FBXL7: variants seen among roughly 807,000 people sequenced by gnomAD.
FBXL7 encodes F-box and leucine rich repeat protein 7.
FBXL7 carries 12 observed loss-of-function variants against 38.3 expected under a neutral mutation model. That is an observed-to-expected ratio of 0.31 (90% CI 0.20 to 0.51). FBXL7 has a LOEUF of 0.51. Among genes scored for constraint, FBXL7 ranks in the 20% least tolerant of loss-of-function variants. The pLI, the probability that FBXL7 is intolerant of heterozygous loss-of-function variation, is 0.98. For synonymous variants in FBXL7, 297 were observed against 300.9 expected (o/e 0.99, Z 0.13); for missense variants, 567 against 676.4 (o/e 0.84, Z 1.79).
At chr5:15,786,834 A>G (rs1028515650) in intron 2 of FBXL7, among the ~76,000 whole-genome samples, 1 of 152,214 alleles carries the variant, frequency 6.6e-6, no homozygotes, top group African/African-American at 2.4e-5. Context: ...TAGTCTCATC[A>G]CCAGAATCCA....
At chr5:15,807,103 C>T (rs540418519) in intron 2 of FBXL7, among the ~76,000 whole-genome samples, 65 of 152,192 alleles carry the variant, frequency 4.3e-4, no homozygotes, top group Non-Finnish European at 8.1e-4. Context: ...AGAAGCACAC[C>T]ACCACGCCTG....
chr5:15,799,778 C>G (rs146594629), intron 2 of FBXL7, among the ~76,000 whole-genome samples: 10 of 152,300 alleles, frequency 6.6e-5, no homozygotes, highest in African/African-American at 2.2e-4. Context: ...GCAGCAAGTC[C>G]TCAGAAAGTC....
At chr5:15,502,705 C>T (rs1736530189) in intron 1 of FBXL7, among the ~76,000 whole-genome samples, 1 of 152,182 alleles carries the variant, frequency 6.6e-6, no homozygotes, top group African/African-American at 2.4e-5. Context: ...TAAACCCCAC[C>T]TATACTGTGG....
intron 2 of FBXL7, among the ~76,000 whole-genome samples, chr5:15,722,930 C>CAAAAAAAACAAAAAAAAAAAA (rs377502407): frequency 7.0e-6 from 1 of 142,080 alleles, no homozygotes; most frequent in African/African-American, 2.6e-5. Context: ...TCAAAAAAAA[C>CAAAAAAAACAAAAAAAAAAAA]AAAAAAAAAA....
At chr5:15,668,368 T>TTG (rs148728974) in intron 2 of FBXL7, among the ~76,000 whole-genome samples, 12,353 of 145,526 alleles carry the variant, frequency 0.085, 494 homozygotes, top group Non-Finnish European at 0.09. Context: ...ATATTTGTGT[T>TTG]TGTGTGTGTG....
At chr5:15,582,935 GTTT>G (rs573419096) in intron 1 of FBXL7, among the ~76,000 whole-genome samples, 2 of 138,608 alleles carry the variant, frequency 1.4e-5, no homozygotes, top group Non-Finnish European at 1.6e-5. Flanking sequence ...CTTGGCTCAT[GTTT>G]TTTTTTTTTT....
At chr5:15,548,007 C>T (rs1580363722) in intron 1 of FBXL7, among the ~76,000 whole-genome samples, 1 of 152,290 alleles carries the variant, frequency 6.6e-6, no homozygotes, top group East Asian at 1.9e-4. Context: ...ATGTAGGTGG[C>T]AGATCCTGAA....
rs183982116 is a variant in FBXL7 at position 15,890,592 on chromosome 5, C to T, written c.128-37298C>T. 5.6e-4 allele frequency among the ~76,000 whole-genome samples: 85 copies of T among 152,194 alleles called. 1 individual carries two copies. Among genetic ancestry groups the T allele is most frequent in the Non-Finnish European group, 5.9e-5 (4 of 68,026 alleles). Reference sequence around the variant, plus strand: ...GCCCTATTGTGAACTGCGCATGCAACGGACCTAGGTTGCACGCCCTTTATG... The same window carrying T: ...GCCCTATTGTGAACTGCGCATGCAATGGACCTAGGTTGCACGCCCTTTATG... On this transcript the variant is annotated intron_variant, in intron 2 of 3. Coordinates refer to ENST00000504595, the MANE Select transcript of FBXL7 (RefSeq NM_012304.5).
intron 2 of FBXL7, among the ~76,000 whole-genome samples, chr5:15,767,521 TAAATG>T (rs1736622465): frequency 6.6e-6 from 1 of 152,114 alleles, no homozygotes; most frequent in South Asian, 2.1e-4. Flanking sequence ...ATCTTGATTG[TAAATG>T]CCCAGGGCTA....
intron 2 of FBXL7, among the ~76,000 whole-genome samples, chr5:15,659,828 T>C (rs1207975137): frequency 2.0e-5 from 3 of 152,208 alleles, no homozygotes; most frequent in African/African-American, 4.8e-5. Flanking sequence ...ATATGTATAA[T>C]CTAAGCAAAG....
chr5:15,878,143 C>T (rs185733627), intron 2 of FBXL7, among the ~76,000 whole-genome samples: 1 of 152,314 alleles, frequency 6.6e-6, no homozygotes, highest in East Asian at 1.9e-4. Context: ...CTGGCAGGCA[C>T]TTCACAGAGC....
intron 2 of FBXL7, among the ~76,000 whole-genome samples, chr5:15,767,803 C>G (rs1461585905): frequency 2.6e-5 from 4 of 152,134 alleles, no homozygotes; most frequent in African/African-American, 9.7e-5. Context: ...ATGCCCTTGG[C>G]AAAGCATACA....
intron 2 of FBXL7, among the ~76,000 whole-genome samples, chr5:15,848,134 T>A (rs1413012337): frequency 2.0e-5 from 3 of 152,236 alleles, no homozygotes; most frequent in Non-Finnish European, 2.9e-5. Context: ...CCAGCAGTTG[T>A]ACTGCTAGAA....
intron 2 of FBXL7, among the ~76,000 whole-genome samples, chr5:15,723,976 T>TC (rs1744272478): frequency 6.6e-6 from 1 of 152,200 alleles, no homozygotes; most frequent in South Asian, 2.1e-4. Flanking sequence ...GGAAGGGCAA[T>TC]CCCCTCAGTT....
chr5:15,573,622 G>GA (rs1007383030), intron 1 of FBXL7, among the ~76,000 whole-genome samples: 1 of 152,074 alleles, frequency 6.6e-6, no homozygotes, highest in African/African-American at 2.4e-5. Flanking sequence ...TCTTCCTCAG[G>GA]AAAAAAGATG....
At chr5:15,677,145 G>T (rs530329856) in intron 2 of FBXL7, among the ~76,000 whole-genome samples, 2 of 152,324 alleles carry the variant, frequency 1.3e-5, no homozygotes, top group South Asian at 4.1e-4. Context: ...TTGGGGTAGA[G>T]AAGTAGTTAT....
intron 1 of FBXL7, among the ~76,000 whole-genome samples, chr5:15,601,943 G>A (rs1464537593): frequency 6.6e-6 from 1 of 152,120 alleles, no homozygotes; most frequent in African/African-American, 2.4e-5. Context: ...ATACTGAGTA[G>A]GGTGACCCTT....
chr5:15,734,833 A>G (rs77736383), intron 2 of FBXL7, among the ~76,000 whole-genome samples: 14,844 of 152,302 alleles, frequency 0.097, 787 homozygotes, highest in South Asian at 0.15. Context: ...TATAGAAAAG[A>G]GAGAAAGCAT....
chr5:15,757,475 C>G (rs1561114498), intron 2 of FBXL7, among the ~76,000 whole-genome samples: 1 of 151,858 alleles, frequency 6.6e-6, no homozygotes, highest in African/African-American at 2.4e-5. Context: ...GACATCAATT[C>G]CCTGTGACAA....
Sources: allele counts gnomAD v4.1 joint callset (sites outside exome capture counted in the v4.1 genomes callset), GRCh38; gene constraint gnomAD v4.1.1; transcripts MANE v1.5; gene names NCBI Gene and HGNC (gene_info 2026-07-23, HGNC 2026-07-21).